NKAIN3: variants seen among roughly 807,000 people sequenced by gnomAD.
NKAIN3 encodes sodium/potassium transporting ATPase interacting 3.
In NKAIN3, 25 loss-of-function variants were observed where a neutral mutation model predicts 30.2. The observed-to-expected ratio is 0.83, with a 90% CI of 0.60 to 1.16. The LOEUF (loss-of-function observed/expected upper bound fraction) is 1.16, where lower values mean the gene tolerates loss of function less well. Ranked by LOEUF, NKAIN3 falls within the 50% of genes most tolerant of loss-of-function variation. The pLI is 0.00. For missense variants in NKAIN3, 225 were observed against 254.1 expected (o/e 0.89, Z 0.78); for synonymous variants, 91 against 89.6 (o/e 1.02, Z -0.09).
intron 4 of NKAIN3, chr8:62,855,275 G>A (rs1168587866): frequency 8.2e-6 from 4 of 490,090 alleles, no homozygotes; most frequent in Admixed American, 6.7e-5. Context: ...GCCACAGTGT[G>A]GAAGGGCAGC....
intron 5 of NKAIN3, among the ~76,000 whole-genome samples, chr8:62,936,458 C>A (rs1037390046): frequency 3.3e-5 from 5 of 152,114 alleles, no homozygotes; most frequent in Admixed American, 6.6e-5. Context: ...ACTTGTCTTC[C>A]ATAATCTCAC....
At chr8:62,269,558 G>C (rs1168687413) in intron 1 of NKAIN3, among the ~76,000 whole-genome samples, 1 of 151,880 alleles carries the variant, frequency 6.6e-6, no homozygotes, top group Non-Finnish European at 1.5e-5. Context: ...GCTAATACAG[G>C]GTGCATAGCA....
At chr8:62,746,310 G>T (rs1816068671) in intron 3 of NKAIN3, among the ~76,000 whole-genome samples, 1 of 151,982 alleles carries the variant, frequency 6.6e-6, no homozygotes, top group Non-Finnish European at 1.5e-5. Flanking sequence ...TTGCATTTAG[G>T]GTCCACTCAG....
chr8:62,916,140 A>G (rs1283697310), intron 4 of NKAIN3, among the ~76,000 whole-genome samples: 1 of 152,206 alleles, frequency 6.6e-6, no homozygotes. Flanking sequence ...AATAGTCATA[A>G]AAATATTCAA....
At position 62,959,827 on chromosome 8, in the gene NKAIN3, T is replaced by C. The variant is rs768208089; in HGVS notation, c.604-5527T>C. 2.0e-5 allele frequency among the ~76,000 whole-genome samples: 3 copies of C among 152,272 alleles called. No homozygotes were observed. In the South Asian group the frequency reaches 6.2e-4, roughly 32 times the overall value. On this transcript the variant is annotated intron_variant, in intron 6 of 6. Transcript: ENST00000623646. ...AAATGGAAAGGACTTCATGAGGCGTTAACTTTCCTGGGCTGTCTCAAGAGC... is the reference window on the plus strand; with the variant it reads ...AAATGGAAAGGACTTCATGAGGCGTCAACTTTCCTGGGCTGTCTCAAGAGC...
At chr8:62,486,270 C>A (rs1806898880) in intron 1 of NKAIN3, among the ~76,000 whole-genome samples, 1 of 152,086 alleles carries the variant, frequency 6.6e-6, no homozygotes, top group Admixed American at 6.5e-5. Context: ...TTCAATAAGG[C>A]AGGCCGGTAT....
chr8:62,654,338 C>T (rs1004510457), intron 3 of NKAIN3, among the ~76,000 whole-genome samples: 4 of 152,122 alleles, frequency 2.6e-5, no homozygotes, highest in African/African-American at 4.8e-5. Flanking sequence ...GAAAATCCAA[C>T]GACTAAATAA....
chr8:62,716,258 G>A (rs1028875552), intron 3 of NKAIN3, among the ~76,000 whole-genome samples: 2 of 152,082 alleles, frequency 1.3e-5, no homozygotes, highest in Admixed American at 6.6e-5. Context: ...ACAAACAAGT[G>A]AAAATGATAA....
At chr8:62,720,628 C>T (rs1815058860) in intron 3 of NKAIN3, among the ~76,000 whole-genome samples, 1 of 152,136 alleles carries the variant, frequency 6.6e-6, no homozygotes, top group African/African-American at 2.4e-5. Flanking sequence ...ATATTTATTC[C>T]CTTTTTCCTC....
At chr8:62,523,158 ATAATT>A (rs1198400146) in intron 1 of NKAIN3, among the ~76,000 whole-genome samples, 1 of 152,104 alleles carries the variant, frequency 6.6e-6, no homozygotes, top group East Asian at 1.9e-4. Flanking sequence ...ACAAATACTC[ATAATT>A]TAATTACAAT....
intron 4 of NKAIN3, among the ~76,000 whole-genome samples, chr8:62,814,444 T>A (rs1005714863): frequency 2.6e-5 from 4 of 151,820 alleles, no homozygotes; most frequent in African/African-American, 9.7e-5. Context: ...TTCAGCACCA[T>A]GCCACACCTA....
chr8:62,767,892 TATTG>T (rs1816894453), intron 4 of NKAIN3, among the ~76,000 whole-genome samples: 1 of 152,060 alleles, frequency 6.6e-6, no homozygotes, highest in Non-Finnish European at 1.5e-5. Context: ...AATTATTCTA[TATTG>T]ATTATATATC....
At chr8:62,533,920 C>T (rs1808563416) in intron 1 of NKAIN3, among the ~76,000 whole-genome samples, 1 of 152,154 alleles carries the variant, frequency 6.6e-6, no homozygotes, top group Non-Finnish European at 1.5e-5. Context: ...AGAAATACCA[C>T]AAACTGGAAC....
At position 62,974,560 on chromosome 8, in the gene NKAIN3, G is replaced by A. The variant is rs960127475; in HGVS notation, c.*9153G>A. On this transcript the variant is annotated 3_prime_UTR_variant, in exon 7 of 7. Transcript: ENST00000623646. ...TGCTTATCTCTTTAAGGAGTTTTGGGGTTGAGACAATGGGGTTTTCTAAAT... is the reference window on the plus strand; with the variant it reads ...TGCTTATCTCTTTAAGGAGTTTTGGAGTTGAGACAATGGGGTTTTCTAAAT... 6.6e-6 allele frequency among the ~76,000 whole-genome samples: 1 copy of A among 152,104 alleles called. No individual in the cohort carries two copies. Among genetic ancestry groups the A allele is most frequent in the Non-Finnish European group, 1.5e-5 (1 of 68,014 alleles).
chr8:62,946,866 G>C (rs775029976), intron 5 of NKAIN3, among the ~76,000 whole-genome samples: 27 of 152,226 alleles, frequency 1.8e-4, no homozygotes, highest in South Asian at 1.5e-3. Flanking sequence ...AATGTTATAG[G>C]GGATCTGTGC....
intron 1 of NKAIN3, among the ~76,000 whole-genome samples, chr8:62,434,943 C>T (rs1805123321): frequency 6.6e-6 from 1 of 151,964 alleles, no homozygotes; most frequent in Non-Finnish European, 1.5e-5. Flanking sequence ...AGCTTTGAGG[C>T]ACATCAATCA....
intron 1 of NKAIN3, among the ~76,000 whole-genome samples, chr8:62,285,518 G>A (rs773193687): frequency 1.8e-4 from 28 of 152,094 alleles, no homozygotes; most frequent in Non-Finnish European, 3.4e-4. Flanking sequence ...GCTGAACCCT[G>A]CCCTGGGTTT....
At chr8:62,329,568 A>G (rs896299784) in intron 1 of NKAIN3, among the ~76,000 whole-genome samples, 4 of 152,092 alleles carry the variant, frequency 2.6e-5, no homozygotes, top group South Asian at 4.1e-4. Context: ...TTTAGTTTCC[A>G]CTTATAAGTG....
At chr8:62,963,867 T>C (rs1164419194) in intron 6 of NKAIN3, among the ~76,000 whole-genome samples, 1 of 152,136 alleles carries the variant, frequency 6.6e-6, no homozygotes, top group Non-Finnish European at 1.5e-5. Context: ...GTCGTTTTCT[T>C]CATGCTGTAC....
Sources: allele counts gnomAD v4.1 joint callset (sites outside exome capture counted in the v4.1 genomes callset), GRCh38; gene constraint gnomAD v4.1.1; transcripts MANE v1.5; gene names NCBI Gene and HGNC (gene_info 2026-07-23, HGNC 2026-07-21).